SMAD1: variants seen among roughly 807,000 people sequenced by gnomAD.
The protein encoded by SMAD1 is SMAD family member 1.
Under a neutral mutation model 41.6 loss-of-function variants are expected in SMAD1, and 6 were observed. The observed-to-expected ratio is 0.14, with a 90% CI of 0.08 to 0.28. SMAD1 has a LOEUF of 0.28. SMAD1 is among the 10% of genes least tolerant of loss of function. The pLI is 1.00. For synonymous variants in SMAD1, 206 were observed against 203.2 expected, an observed-to-expected ratio of 1.01 and a Z score of -0.12; for missense variants, 379 against 582.6, an observed-to-expected ratio of 0.65 and a Z score of 3.60.
rs767580941 is a variant in SMAD1 at position 145,546,842 on chromosome 4, T to C, written c.915T>C (p.Asn305=). The part of the protein sequence containing the change: ...LVDGFTDPSN[N]KNRFCLGLLS... ...ATGGTTTCACTGATCCTTCCAACAATAAGAACCGTTTCTGCCTTGGGCTGC... is the reference window on the plus strand; with the variant it reads ...ATGGTTTCACTGATCCTTCCAACAACAAGAACCGTTTCTGCCTTGGGCTGC... The change falls in exon 5 of 7, where the codon AAT becomes AAC. Residue 305 remains asparagine, a synonymous_variant. Transcript: ENST00000302085. 3 of 1,614,194 alleles carry C rather than the reference T, an allele frequency of 1.9e-6. No homozygotes were observed. The highest frequency in any genetic ancestry group is 2.5e-6 in the Non-Finnish European group (3 of 1,180,014).
chr4:145,529,364 A>G (rs545824172), intron 2 of SMAD1, among the ~76,000 whole-genome samples: 1 of 152,200 alleles, frequency 6.6e-6, no homozygotes. Context: ...GGAAACTACC[A>G]GGGTGAAAGT....
intron 2 of SMAD1, among the ~76,000 whole-genome samples, chr4:145,538,220 T>G (rs1166927729): frequency 6.6e-6 from 1 of 152,234 alleles, no homozygotes; most frequent in Non-Finnish European, 1.5e-5. Context: ...GGAATATAAA[T>G]TTTTATTGGC....
chr4:145,528,533 C>T (rs902090575), intron 2 of SMAD1, among the ~76,000 whole-genome samples: 2 of 152,178 alleles, frequency 1.3e-5, no homozygotes, highest in South Asian at 2.1e-4. Context: ...TGAGCTACCG[C>T]GCCTGACCAT....
chr4:145,499,933 G>A (rs11939520), intron 1 of SMAD1, among the ~76,000 whole-genome samples: 17,255 of 151,748 alleles, frequency 0.11, 3,018 homozygotes, highest in African/African-American at 0.38. Context: ...AAAAAAAGAA[G>A]AAAAAAATCT....
At chr4:145,496,948 A>T (rs1729110016) in intron 1 of SMAD1, 1 of 152,194 alleles carries the variant, frequency 6.6e-6, no homozygotes, top group Non-Finnish European at 1.5e-5. Context: ...AGAAAGAGTG[A>T]TTTATATGAC....
intron 4 of SMAD1, among the ~76,000 whole-genome samples, chr4:145,543,942 T>C (rs17020313): frequency 0.15 from 23,203 of 151,960 alleles, 3,763 homozygotes; most frequent in African/African-American, 0.4. Context: ...TTTATTAAAA[T>C]AGGAGATACT....
intron 6 of SMAD1, among the ~76,000 whole-genome samples, chr4:145,554,373 G>T (rs955039384): frequency 6.6e-6 from 1 of 151,992 alleles, no homozygotes; most frequent in African/African-American, 2.4e-5. Flanking sequence ...TGTTTTACGA[G>T]ATCAGTTGAG....
intron 1 of SMAD1, among the ~76,000 whole-genome samples, chr4:145,484,165 T>G (rs1728348009): frequency 6.6e-6 from 1 of 152,202 alleles, no homozygotes; most frequent in Non-Finnish European, 1.5e-5. Flanking sequence ...GGTATAGTAA[T>G]TAGACTAGCA....
At chr4:145,502,763 A>G (rs1729519702) in intron 1 of SMAD1, 1 of 152,218 alleles carries the variant, frequency 6.6e-6, no homozygotes, top group Non-Finnish European at 1.5e-5. Flanking sequence ...TACTTTTGAA[A>G]TTGTTTGGCT....
chr4:145,486,059 A>G (rs1224717574), intron 1 of SMAD1, among the ~76,000 whole-genome samples: 1 of 152,210 alleles, frequency 6.6e-6, no homozygotes, highest in Admixed American at 6.5e-5. Context: ...GACCCAAATC[A>G]TCATTGTTCT....
chr4:145,554,047 G>A lies in SMAD1; in HGVS notation c.1254+7G>A. On this transcript the variant is annotated splice_region_variant and intron_variant, in intron 6 of 6. Transcript: ENST00000302085. ...ACGTATGAGCTTTGTGAAGGTAAGT[G>A]AGCTCCGACTCCTCCATTTAGGGCC... 2 of 1,607,444 alleles carry A rather than the reference G, an allele frequency of 1.2e-6. No individual in the cohort carries two copies. Among genetic ancestry groups the A allele is most frequent in the South Asian group, 1.1e-5 (1 of 90,764 alleles).
At chr4:145,485,619 A>G (rs1294947635) in intron 1 of SMAD1, among the ~76,000 whole-genome samples, 1 of 152,204 alleles carries the variant, frequency 6.6e-6, no homozygotes, top group African/African-American at 2.4e-5. Flanking sequence ...ACATATATAA[A>G]CTAATTTTAT....
chr4:145,548,265 G>A (rs952192685), intron 5 of SMAD1, among the ~76,000 whole-genome samples: 3 of 151,532 alleles, frequency 2.0e-5, no homozygotes, highest in Admixed American at 1.3e-4. Context: ...GTCTCCCTGT[G>A]TCACCCAGGC....
chr4:145,557,473 A>G (rs1216252819), intron 6 of SMAD1, among the ~76,000 whole-genome samples: 2 of 152,214 alleles, frequency 1.3e-5, no homozygotes, highest in Non-Finnish European at 2.9e-5. Flanking sequence ...ACTATCAGTA[A>G]TGGGCAATTA....
In SMAD1 at chr4:145,551,457, TA is replaced by T. The variant is rs1341255925; in HGVS notation, c.998-2325del. 1.2e-4 allele frequency among the ~76,000 whole-genome samples: 18 copies of T among 152,306 alleles called. No individual in the cohort carries two copies. In the South Asian group the frequency reaches 1.9e-3, roughly 16 times the overall value. ...AACAAAAGACCATAAGAGGTTTAAC[TA>T]AGAGATTGCAAACTTCTGTAGGTTA... On this transcript the variant is annotated intron_variant, in intron 5 of 6. Transcript: ENST00000302085.
chr4:145,485,477 C>A (rs1728438439), intron 1 of SMAD1, among the ~76,000 whole-genome samples: 1 of 152,188 alleles, frequency 6.6e-6, no homozygotes, highest in African/African-American at 2.4e-5. Context: ...TTAGTGGCTG[C>A]CATACTGGAC....
chr4:145,498,470 A>G (rs1222824341), intron 1 of SMAD1, among the ~76,000 whole-genome samples: 2 of 152,124 alleles, frequency 1.3e-5, no homozygotes, highest in African/African-American at 4.8e-5. Flanking sequence ...AGCCATGTAG[A>G]AATAACTCTC....
At chr4:145,497,055 A>G (rs1346436679) in intron 1 of SMAD1, 1 of 152,232 alleles carries the variant, frequency 6.6e-6, no homozygotes, top group Non-Finnish European at 1.5e-5. Flanking sequence ...TGAATCTTAA[A>G]TAGGCATTTC....
chr4:145,548,651 A>T (rs1732389157), intron 5 of SMAD1, among the ~76,000 whole-genome samples: 1 of 152,196 alleles, frequency 6.6e-6, no homozygotes, highest in Non-Finnish European at 1.5e-5. Flanking sequence ...GTCAGTGCTA[A>T]AGTTTGAATA....
Sources: gnomAD v4.1 joint callset for allele counts (sites outside exome capture counted in the v4.1 genomes callset) on GRCh38, gnomAD v4.1.1 for gene constraint, MANE v1.5 for transcripts, NCBI Gene and HGNC (gene_info 2026-07-23, HGNC 2026-07-21) for gene names.